TMEM232: variants seen among roughly 807,000 people sequenced by gnomAD.
TMEM232 encodes the protein transmembrane protein 232.
TMEM232 carries 80 observed loss-of-function variants against 78.8 expected under a neutral mutation model. That is an observed-to-expected ratio of 1.01 (90% CI 0.85 to 1.22). The LOEUF is 1.22. Ranked by LOEUF, TMEM232 falls within the 50% of genes most tolerant of loss-of-function variation. The pLI, the probability that TMEM232 is intolerant of heterozygous loss-of-function variation, is 0.00. For missense variants in TMEM232, 881 were observed against 742.2 expected, an observed-to-expected ratio of 1.19 and a Z score of -2.17; for synonymous variants, 297 against 254.3, an observed-to-expected ratio of 1.17 and a Z score of -1.60.
At chr5:110,713,193 G>C (rs1220587479) in intron 1 of TMEM232, among the ~76,000 whole-genome samples, 2 of 152,000 alleles carry the variant, frequency 1.3e-5, no homozygotes, top group African/African-American at 2.4e-5. Context: ...TGGGATCTAA[G>C]ATTCAAAACA....
intron 11 of TMEM232, among the ~76,000 whole-genome samples, chr5:110,547,274 T>A (rs1046586926): frequency 1.3e-5 from 2 of 152,200 alleles, no homozygotes; most frequent in African/African-American, 4.8e-5. Context: ...TAAATAGATG[T>A]TTGTTCTTTT....
intron 2 of TMEM232, among the ~76,000 whole-genome samples, chr5:110,403,999 T>C (rs1035736346): frequency 2.6e-5 from 4 of 151,990 alleles, no homozygotes; most frequent in Admixed American, 2.0e-4. Flanking sequence ...GACTTTTCAA[T>C]GAATTTTCCT....
At chr5:110,568,399 C>A in intron 11 of TMEM232, 48 bp downstream of exon 11, 2 of 1,450,308 alleles carry the variant, frequency 1.4e-6, no homozygotes, top group Non-Finnish European at 1.8e-6. Context: ...GACAACCGTG[C>A]TTCCTAATGA....
rs145846432 is a variant in TMEM232, at chr5:110,590,333, C to T, written c.1276+14776G>A. ...ACAGGGGTCCCCAAACCTACCAGTC[C>T]GTGTCCTGTTAGGAATTGGGCCATA... On this transcript the variant is annotated intron_variant, in intron 10 of 13. Coordinates refer to ENST00000455884, the MANE Select transcript of TMEM232 (RefSeq NM_001039763.4). Among the ~76,000 whole-genome samples the T allele has an allele frequency of 9.8e-3, 1,487 of 152,126 alleles. 34 individuals carry two copies. The highest frequency in any genetic ancestry group is 0.033 in the African/African-American group (1,369 of 41,500).
At chr5:110,576,059 C>A (rs1054169895) in intron 10 of TMEM232, among the ~76,000 whole-genome samples, 12 of 151,964 alleles carry the variant, frequency 7.9e-5, no homozygotes, top group Non-Finnish European at 1.5e-4. Context: ...CAGCACCTTG[C>A]AGGCCATCTA....
rs567229686 is a variant in TMEM232, at chr5:110,697,057, C to G, written c.-13+29570G>C. 1.8e-3 allele frequency among the ~76,000 whole-genome samples: 276 copies of G among 152,146 alleles called. 1 individual carries two copies. The highest frequency in any genetic ancestry group is 6.4e-3 in the African/African-American group (264 of 41,526). ...ACCTGACTTCAAACTATACTACAAG[C>G]CTACAGTAACCAAAACAGCATGGTA... On this transcript the variant is annotated intron_variant, in intron 1 of 13. Coordinates refer to ENST00000455884, the MANE Select transcript of TMEM232 (RefSeq NM_001039763.4).
At chr5:110,544,497 A>G (rs991897719) in intron 11 of TMEM232, among the ~76,000 whole-genome samples, 1 of 151,828 alleles carries the variant, frequency 6.6e-6, no homozygotes, top group Non-Finnish European at 1.5e-5. Flanking sequence ...CAATAATTAG[A>G]GAAATGTAGC....
In TMEM232 at chr5:110,408,759, A is replaced by C. The variant is rs1755885826; in HGVS notation, n.309-10905T>G. 2.0e-5 allele frequency among the ~76,000 whole-genome samples: 3 copies of C among 152,194 alleles called. No homozygotes were observed. In the South Asian group the frequency reaches 6.2e-4, roughly 31 times the overall value. ...AGGAGACAACAACCGAGAACACTGA[A>C]ATACAGTGAGTCATTAGAGATTATT... On this transcript the variant is annotated intron_variant and non_coding_transcript_variant, in intron 2 of 8. Coordinates refer to the TMEM232 transcript ENST00000507188.
intron 12 of TMEM232, among the ~76,000 whole-genome samples, chr5:110,467,768 G>A (rs1762235837): frequency 6.6e-6 from 1 of 152,168 alleles, no homozygotes; most frequent in Non-Finnish European, 1.5e-5. Context: ...TTTTCACACA[G>A]TTCTGGAAGC....
intron 1 of TMEM232, among the ~76,000 whole-genome samples, chr5:110,736,083 A>C (rs1799132088): frequency 6.6e-6 from 1 of 152,244 alleles, no homozygotes; most frequent in South Asian, 2.1e-4. Flanking sequence ...AATAGAAACT[A>C]ATACAAACAT....
intron 8 of TMEM232, among the ~76,000 whole-genome samples, chr5:110,616,389 C>T (rs1782933386): frequency 6.6e-6 from 1 of 152,014 alleles, no homozygotes; most frequent in African/African-American, 2.4e-5. Flanking sequence ...AGCCCCTTCT[C>T]TCACACTGTA....
chr5:110,570,251 C>G (rs1776786541), intron 10 of TMEM232, among the ~76,000 whole-genome samples: 1 of 151,902 alleles, frequency 6.6e-6, no homozygotes, highest in African/African-American at 2.4e-5. Context: ...TTTGAAATAA[C>G]ATATAAAACA....
At chr5:110,738,204 G>C (rs539357284), upstream of TMEM232, 2 of 1,286,514 alleles carry the variant, frequency 1.6e-6, no homozygotes, top group Admixed American at 2.3e-5. Flanking sequence ...CTCAGATCTG[G>C]GGAGGGAGCC....
chr5:110,491,465 A>C (rs1242654657), intron 12 of TMEM232, among the ~76,000 whole-genome samples: 2 of 152,072 alleles, frequency 1.3e-5, no homozygotes, highest in African/African-American at 2.4e-5. Flanking sequence ...TCCACAGAAA[A>C]GAAAGTAGAT....
At chr5:110,701,102 C>T (rs1795396635) in intron 1 of TMEM232, among the ~76,000 whole-genome samples, 3 of 151,514 alleles carry the variant, frequency 2.0e-5, no homozygotes, top group African/African-American at 7.3e-5. Flanking sequence ...ATTTTCTTCT[C>T]AAAAAGAAGG....
intron 12 of TMEM232, among the ~76,000 whole-genome samples, chr5:110,465,604 T>C (rs1761992257): frequency 6.6e-6 from 1 of 152,236 alleles, no homozygotes; most frequent in South Asian, 2.1e-4. Context: ...AAGTTTGCTT[T>C]AGAAATTTGA....
intron 10 of TMEM232, among the ~76,000 whole-genome samples, chr5:110,592,965 G>T (rs9326801): frequency 0.095 from 14,380 of 152,154 alleles, 818 homozygotes; most frequent in South Asian, 0.2. Flanking sequence ...CACCATACAA[G>T]TATCTAGGTG....
At chr5:110,536,253 C>T (rs184672439) in intron 11 of TMEM232, among the ~76,000 whole-genome samples, 2 of 152,322 alleles carry the variant, frequency 1.3e-5, no homozygotes, top group South Asian at 2.1e-4. Flanking sequence ...ACTGCCACCA[C>T]CCAGTTCTAG....
At chr5:110,489,501 C>A (rs990468657) in intron 12 of TMEM232, among the ~76,000 whole-genome samples, 1 of 152,002 alleles carries the variant, frequency 6.6e-6, no homozygotes, top group Non-Finnish European at 1.5e-5. Flanking sequence ...ATGTAAGGCA[C>A]GTCTTCAACC....
Sources: gnomAD v4.1 joint callset for allele counts (sites outside exome capture counted in the v4.1 genomes callset) on GRCh38, gnomAD v4.1.1 for gene constraint, MANE v1.5 for transcripts, NCBI Gene and HGNC (gene_info 2026-07-23, HGNC 2026-07-21) for gene names.